Variants in SH3BGRL observed in about 807,000 individuals in gnomAD.
SH3BGRL encodes adapter SH3BGRL.
A neutral mutation model predicts 9.8 loss-of-function variants in SH3BGRL; 7 were observed. The observed-to-expected ratio is 0.72, with a 90% CI of 0.41 to 1.35. SH3BGRL has a LOEUF of 1.35. Ranked by LOEUF, SH3BGRL falls within the 40% of genes most tolerant of loss-of-function variation. The pLI is 0.01. For missense variants in SH3BGRL, 73 were observed against 84.4 expected (o/e 0.86, Z 0.53); for synonymous variants, 36 against 29.1 (o/e 1.24, Z -0.76).
chrX:81,207,727 C>T (rs1371838741), intron 1 of SH3BGRL, among the ~76,000 whole-genome samples: 2 of 111,507 alleles, frequency 1.8e-5, no homozygotes, highest in Admixed American at 1.9e-4. Context: ...TTGGAGGTCC[C>T]TAACAGTGGA....
intron 1 of SH3BGRL, among the ~76,000 whole-genome samples, chrX:81,240,036 A>T (rs895206499): frequency 6.2e-5 from 7 of 112,484 alleles, no homozygotes; most frequent in Non-Finnish European, 1.3e-4. Context: ...TTCAATGAGA[A>T]AGAAAATAAT....
At chrX:81,283,153 GGC>G (rs774057927) in intron 3 of SH3BGRL, among the ~76,000 whole-genome samples, 1 of 111,470 alleles carries the variant, frequency 9.0e-6, no homozygotes, top group African/African-American at 3.2e-5. Context: ...ACCAATAACA[GGC>G]ATCAAGATTG....
chrX:81,267,839 T>G (rs914011901), intron 1 of SH3BGRL, among the ~76,000 whole-genome samples: 1 of 111,831 alleles, frequency 8.9e-6, no homozygotes, highest in African/African-American at 3.3e-5. Flanking sequence ...TGAATCCGTC[T>G]GGTCCTGGAC....
chrX:81,223,240 G>A (rs2075606099), intron 1 of SH3BGRL, among the ~76,000 whole-genome samples: 1 of 111,633 alleles, frequency 9.0e-6, no homozygotes, highest in African/African-American at 3.3e-5. Flanking sequence ...TAGTCATGAA[G>A]TCCTTGCCCA....
At position 81,287,640 on chromosome X, in the gene SH3BGRL, C is replaced by T. The variant is rs188482862; in HGVS notation, c.312+9229C>T. Among the ~76,000 whole-genome samples the T allele has an allele frequency of 3.2e-3, 356 of 110,347 alleles. 2 individuals carry two copies. The highest frequency in any genetic ancestry group is 0.011 in the African/African-American group (338 of 30,355). ...ACACAGGGAGGGTAACATCACACAC[C>T]GGGACCTGTCTGTGGGTGGGGGAGT... On this transcript the variant is annotated intron_variant, in intron 3 of 3. Coordinates refer to ENST00000373212, the MANE Select transcript of SH3BGRL (RefSeq NM_003022.3).
chrX:81,239,032 C>A (rs991948965), intron 1 of SH3BGRL, among the ~76,000 whole-genome samples: 3 of 111,801 alleles, frequency 2.7e-5, no homozygotes, highest in African/African-American at 9.8e-5. Flanking sequence ...TTTTGAATAT[C>A]TGGAGAGCTT....
chrX:81,249,187 T>C (rs1352420921), intron 1 of SH3BGRL, among the ~76,000 whole-genome samples: 1 of 112,573 alleles, frequency 8.9e-6, no homozygotes, highest in Non-Finnish European at 1.9e-5. Context: ...CTAGAACAAG[T>C]GTCAAGAAAA....
At chrX:81,286,744 G>A (rs2075835825) in intron 3 of SH3BGRL, among the ~76,000 whole-genome samples, 1 of 110,707 alleles carries the variant, frequency 9.0e-6, no homozygotes, top group Non-Finnish European at 1.9e-5. Context: ...TTTAAAACCA[G>A]TGCCTTTATG....
At chrX:81,261,217 A>T (rs1033714766) in intron 1 of SH3BGRL, among the ~76,000 whole-genome samples, 2 of 111,312 alleles carry the variant, frequency 1.8e-5, no homozygotes, top group Admixed American at 9.6e-5. Context: ...TTGCTTTGTG[A>T]CTGTGGATAA....
intron 3 of SH3BGRL, among the ~76,000 whole-genome samples, chrX:81,289,912 G>T (rs2075851456): frequency 8.9e-6 from 1 of 111,743 alleles, no homozygotes; most frequent in African/African-American, 3.3e-5. Flanking sequence ...TAAAACGTAG[G>T]CAAAAGATTT....
At chrX:81,214,823 T>C (rs2075576473) in intron 1 of SH3BGRL, among the ~76,000 whole-genome samples, 1 of 112,254 alleles carries the variant, frequency 8.9e-6, no homozygotes, top group Non-Finnish European at 1.9e-5. Flanking sequence ...ATTTATTTGC[T>C]GAAATTTAGT....
At chrX:81,289,641 T>G (rs1286264072) in intron 3 of SH3BGRL, among the ~76,000 whole-genome samples, 1 of 111,063 alleles carries the variant, frequency 9.0e-6, no homozygotes, top group African/African-American at 3.3e-5. Flanking sequence ...GCAGATCACT[T>G]GAGGCTAGGA....
chrX:81,258,171 T>A lies in SH3BGRL; in HGVS notation c.46-18813T>A, dbSNP rs954738503. On this transcript the variant is annotated intron_variant, in intron 1 of 3. Transcript: ENST00000373212. ...CAATTTTGATATCATTAACATTTTT[T>A]CCTGTTGCTGAAGAATTGTATAGCT... 5.4e-5 allele frequency among the ~76,000 whole-genome samples: 6 copies of A among 111,992 alleles called. 1 individual carries two copies. In the Middle Eastern group the frequency reaches 0.014, roughly 256 times the overall value.
intron 1 of SH3BGRL, among the ~76,000 whole-genome samples, chrX:81,221,351 A>G (rs754491820): frequency 1.8e-5 from 2 of 111,547 alleles, no homozygotes; most frequent in African/African-American, 3.3e-5. Context: ...GAGTTAATTC[A>G]TGTCGCTGCT....
chrX:81,213,904 C>T (rs1345074777), intron 1 of SH3BGRL, among the ~76,000 whole-genome samples: 1 of 111,305 alleles, frequency 9.0e-6, no homozygotes, highest in African/African-American at 3.3e-5. Context: ...AGATGGTGGA[C>T]GGAGAGTAGA....
At chrX:81,205,792 G>A (rs920890130) in intron 1 of SH3BGRL, among the ~76,000 whole-genome samples, 2 of 110,111 alleles carry the variant, frequency 1.8e-5, no homozygotes, top group African/African-American at 6.6e-5. Context: ...AAATCTCTGT[G>A]CTGTTTTCCA....
At chrX:81,205,287 C>T (rs746184170) in intron 1 of SH3BGRL, among the ~76,000 whole-genome samples, 5 of 110,591 alleles carry the variant, frequency 4.5e-5, no homozygotes, top group Non-Finnish European at 7.6e-5. Context: ...TTCATGGGAT[C>T]GACTTTTTTA....
intron 1 of SH3BGRL, among the ~76,000 whole-genome samples, chrX:81,271,289 G>A (rs977250560): frequency 8.9e-5 from 10 of 112,231 alleles, no homozygotes; most frequent in African/African-American, 3.2e-4. Context: ...GATGAACCAG[G>A]CACCTCTGTT....
At chrX:81,212,384 A>G (rs2075567845) in intron 1 of SH3BGRL, among the ~76,000 whole-genome samples, 1 of 111,826 alleles carries the variant, frequency 8.9e-6, no homozygotes, top group Non-Finnish European at 1.9e-5. Flanking sequence ...GCAAAATGGA[A>G]GTGTGACAAG....
Sources: gnomAD v4.1 joint callset for allele counts (sites outside exome capture counted in the v4.1 genomes callset) on GRCh38, gnomAD v4.1.1 for gene constraint, MANE v1.5 for transcripts, NCBI Gene and HGNC (gene_info 2026-07-23, HGNC 2026-07-21) for gene names.